Variants in HPSE2 observed in about 807,000 individuals in gnomAD.
HPSE2 encodes heparanase 2 (inactive).
A neutral mutation model predicts 60.5 loss-of-function variants in HPSE2; 38 were observed. The observed-to-expected ratio is 0.63, with a 90% CI of 0.48 to 0.82. The LOEUF is 0.82. Among genes scored for constraint, HPSE2 ranks in the 40% least tolerant of loss-of-function variants. The pLI, the probability that HPSE2 is intolerant of heterozygous loss-of-function variation, is 0.00. For missense variants in HPSE2, 713 were observed against 740.4 expected, an observed-to-expected ratio of 0.96 and a Z score of 0.43; for synonymous variants, 295 against 293.2, an observed-to-expected ratio of 1.01 and a Z score of -0.06.
intron 7 of HPSE2, among the ~76,000 whole-genome samples, chr10:98,639,597 G>T (rs567598890): frequency 6.6e-6 from 1 of 152,246 alleles, no homozygotes; most frequent in South Asian, 2.1e-4. Flanking sequence ...CCAATTGCAC[G>T]CAGAGTTTTA....
At chr10:99,119,327 G>A (rs909755303) in intron 3 of HPSE2, among the ~76,000 whole-genome samples, 2 of 152,142 alleles carry the variant, frequency 1.3e-5, no homozygotes, top group Non-Finnish European at 2.9e-5. Flanking sequence ...AATCAGGAAT[G>A]CAATCCCATT....
At position 98,745,112 on chromosome 10, in the gene HPSE2, G is replaced by A. The variant is rs186286432; in HGVS notation, c.611-1056C>T. ...AGCTACTCAGGAGGCTGAGGCAGGA[G>A]AATGGCGTGAACCTGGGAGACAGAG... is the stretch of plus-strand genomic sequence containing the variant. On this transcript the variant is annotated intron_variant, in intron 3 of 11. Coordinates refer to ENST00000370552, the MANE Select transcript of HPSE2 (RefSeq NM_021828.5). 2.0e-3 allele frequency among the ~76,000 whole-genome samples: 305 copies of A among 152,324 alleles called. 2 individuals carry two copies. Among genetic ancestry groups the A allele is most frequent in the African/African-American group, 6.7e-3 (279 of 41,574 alleles).
At chr10:98,880,485 T>G (rs2134877734) in intron 3 of HPSE2, among the ~76,000 whole-genome samples, 1 of 152,168 alleles carries the variant, frequency 6.6e-6, no homozygotes, top group Non-Finnish European at 1.5e-5. Flanking sequence ...TCAGATACTG[T>G]TTTTGCCTCT....
At position 98,459,298 on chromosome 10, in the gene HPSE2, T is replaced by C. The variant is rs1360927529; in HGVS notation, c.*276A>G. On this transcript the variant is annotated 3_prime_UTR_variant, in exon 12 of 12. Transcript: ENST00000370552. ...GTGTGCTGTCAGCTCGTTTTCATAGTGCACATGAAGGGAAACATTCTGCTC... is the reference window on the plus strand; with the variant it reads ...GTGTGCTGTCAGCTCGTTTTCATAGCGCACATGAAGGGAAACATTCTGCTC... 2.2e-6 allele frequency: 1 copy of C among 462,646 alleles called. No individual in the cohort carries two copies. The highest frequency in any genetic ancestry group is 4.0e-6 in the Non-Finnish European group (1 of 250,142). The allele number at this position is 462,646 out of a possible 1,614,324, so 28.7% of individuals were successfully genotyped here. A position where few individuals can be genotyped will look rare whatever the true frequency, so the allele number is the denominator to read the frequency against.
intron 9 of HPSE2, among the ~76,000 whole-genome samples, chr10:98,614,670 T>C (rs1339971514): frequency 1.3e-5 from 2 of 151,956 alleles, no homozygotes; most frequent in Non-Finnish European, 2.9e-5. Flanking sequence ...CACATACATA[T>C]GTATGTGTAT....
At chr10:98,633,638 CTGTTA>C (rs781513610) in intron 7 of HPSE2, among the ~76,000 whole-genome samples, 7 of 152,082 alleles carry the variant, frequency 4.6e-5, no homozygotes, top group African/African-American at 1.7e-4. Context: ...AGTGAGTCTT[CTGTTA>C]TGTTATCAGT....
At chr10:99,306,556 T>C in the HPSE2 span, among the ~76,000 whole-genome samples, 6 of 152,306 alleles carry the variant, frequency 3.9e-5, no homozygotes, top group East Asian at 1.2e-3. Context: ...GGTGTATGTG[T>C]GGCATCATTA....
At chr10:98,761,170 T>C (rs749272889) in intron 3 of HPSE2, among the ~76,000 whole-genome samples, 11 of 152,084 alleles carry the variant, frequency 7.2e-5, no homozygotes, top group South Asian at 2.1e-4. Flanking sequence ...CCCTTTTTCC[T>C]TTATAATTTT....
At chr10:98,589,822 C>T (rs1218310548) in intron 9 of HPSE2, among the ~76,000 whole-genome samples, 1 of 152,244 alleles carries the variant, frequency 6.6e-6, no homozygotes, top group Non-Finnish European at 1.5e-5. Flanking sequence ...CTTTTGTCCT[C>T]AGCCATGACT....
At chr10:99,070,278 C>A (rs915811213) in intron 3 of HPSE2, among the ~76,000 whole-genome samples, 9 of 152,056 alleles carry the variant, frequency 5.9e-5, no homozygotes, top group Non-Finnish European at 1.3e-4. Flanking sequence ...AATTAGTAAA[C>A]AACCAAATTT....
chr10:98,923,818 A>C (rs1257441955), intron 3 of HPSE2, among the ~76,000 whole-genome samples: 1 of 152,202 alleles, frequency 6.6e-6, no homozygotes, highest in Middle Eastern at 3.4e-3. Context: ...GTGTTATCTT[A>C]AGTTTCTTTG....
intron 9 of HPSE2, among the ~76,000 whole-genome samples, chr10:98,565,157 AT>A (rs55964470): frequency 1.7e-4 from 26 of 149,440 alleles, no homozygotes; most frequent in African/African-American, 5.4e-4. Flanking sequence ...AACTTGAAGA[AT>A]TTTTTTTTTT....
the HPSE2 span, among the ~76,000 whole-genome samples, chr10:99,282,601 C>G: frequency 1.3e-5 from 2 of 152,102 alleles, no homozygotes; most frequent in African/African-American, 4.8e-5. Context: ...TTTTCCTGGA[C>G]AGACTGTAAG....
At chr10:98,926,643 C>A (rs1954472364) in intron 3 of HPSE2, among the ~76,000 whole-genome samples, 2 of 152,152 alleles carry the variant, frequency 1.3e-5, no homozygotes, top group Non-Finnish European at 2.9e-5. Context: ...AAATATCAAC[C>A]TGTCTTCAAG....
the HPSE2 span, among the ~76,000 whole-genome samples, chr10:99,315,734 T>TTCCA: frequency 6.6e-6 from 1 of 152,164 alleles, no homozygotes; most frequent in South Asian, 2.1e-4. Context: ...TCTTCCTCAG[T>TTCCA]TCCATAAACA....
intron 2 of HPSE2, among the ~76,000 whole-genome samples, chr10:99,204,982 A>G (rs1455183166): frequency 6.6e-6 from 1 of 152,212 alleles, no homozygotes; most frequent in Non-Finnish European, 1.5e-5. Context: ...TCCTAAGTGA[A>G]CTAACTCAGA....
At chr10:98,550,963 GCCTT>G (rs1338770562) in intron 9 of HPSE2, among the ~76,000 whole-genome samples, 1 of 152,102 alleles carries the variant, frequency 6.6e-6, no homozygotes, top group Non-Finnish European at 1.5e-5. Flanking sequence ...TTATGGTTGA[GCCTT>G]CCATAACTAT....
At chr10:99,286,272 G>A in the HPSE2 span, among the ~76,000 whole-genome samples, 1 of 152,140 alleles carries the variant, frequency 6.6e-6, no homozygotes, top group African/African-American at 2.4e-5. Flanking sequence ...CTACATGAAT[G>A]CCCACAGCAG....
intron 6 of HPSE2, among the ~76,000 whole-genome samples, chr10:98,655,813 A>G (rs532483879): frequency 1.8e-3 from 276 of 152,292 alleles, no homozygotes; most frequent in Admixed American, 4.8e-3. Context: ...AGAGTAAGGA[A>G]TAAAGGCACA....
Sources: gnomAD v4.1 joint callset for allele counts (sites outside exome capture counted in the v4.1 genomes callset) on GRCh38, gnomAD v4.1.1 for gene constraint, MANE v1.5 for transcripts, NCBI Gene and HGNC (gene_info 2026-07-23, HGNC 2026-07-21) for gene names.